B3GALT5: variants seen among roughly 807,000 people sequenced by gnomAD.
B3GALT5 encodes the protein beta-1,3-galactosyltransferase 5.
For synonymous variants in B3GALT5, 156 were observed against 158.6 expected, an observed-to-expected ratio of 0.98 and a Z score of 0.12; for missense variants, 328 against 396.6, an observed-to-expected ratio of 0.83 and a Z score of 1.47.
intron 1 of B3GALT5, among the ~76,000 whole-genome samples, chr21:39,625,225 G>A (rs950638088): frequency 6.6e-6 from 1 of 152,204 alleles, no homozygotes. Context: ...AGAGGGAGGA[G>A]TTTTTCCAGG....
At chr21:39,639,742 C>T (rs856987) in intron 1 of B3GALT5, among the ~76,000 whole-genome samples, 39,106 of 151,540 alleles carry the variant, frequency 0.26, 5,201 homozygotes, top group South Asian at 0.41. Context: ...CCTCCCAAAG[C>T]GCTGGGATTA....
At chr21:39,626,866 A>G (rs974272906) in intron 1 of B3GALT5, among the ~76,000 whole-genome samples, 1 of 152,182 alleles carries the variant, frequency 6.6e-6, no homozygotes, top group African/African-American at 2.4e-5. Flanking sequence ...ACTTCTGGGA[A>G]GATACTGGCT....
intron 1 of B3GALT5, among the ~76,000 whole-genome samples, chr21:39,626,565 G>A (rs1444807679): frequency 6.6e-6 from 1 of 151,966 alleles, no homozygotes; most frequent in Non-Finnish European, 1.5e-5. Context: ...AGGGGTTCCA[G>A]ATTTTCCAGA....
At chr21:39,616,626 A>G (rs2079108586) in intron 1 of B3GALT5, among the ~76,000 whole-genome samples, 1 of 152,132 alleles carries the variant, frequency 6.6e-6, no homozygotes, top group Admixed American at 6.5e-5. Context: ...GAACCTTTAG[A>G]TAACAATTTT....
chr21:39,640,975 G>A (rs2079285431), intron 1 of B3GALT5, among the ~76,000 whole-genome samples: 1 of 152,072 alleles, frequency 6.6e-6, no homozygotes, highest in African/African-American at 2.4e-5. Flanking sequence ...GAACTCCTGG[G>A]CTCAAGCGAT....
rs1484731442 is a variant in B3GALT5 at position 39,639,346 on chromosome 21, C to CTTTT, written c.-391-7043_-391-7042insTTTT. 3.9e-3 allele frequency among the ~76,000 whole-genome samples: 445 copies of CTTTT among 114,308 alleles called. 2 individuals are homozygous for CTTTT. The highest frequency in any genetic ancestry group is 5.5e-3 in the Non-Finnish European group (299 of 53,932). The allele number at this position is 114,308 out of a possible 152,430, so 75.0% of individuals were successfully genotyped here. ...TCTTTCTTTCTTTCTTTCTTTCTTT[C>CTTTT]TTTCCTTCCTTCCTTCCTTCCTTCC... On this transcript the variant is annotated intron_variant, in intron 1 of 3. Coordinates refer to ENST00000684187, the MANE Select transcript of B3GALT5 (RefSeq NM_001356336.2).
intron 1 of B3GALT5, among the ~76,000 whole-genome samples, chr21:39,616,927 C>T (rs1240031767): frequency 6.6e-6 from 1 of 152,100 alleles, no homozygotes; most frequent in Non-Finnish European, 1.5e-5. Context: ...TTTTATTTTT[C>T]AAATTTTGAA....
chr21:39,626,786 G>A (rs1336077112), intron 1 of B3GALT5, among the ~76,000 whole-genome samples: 3 of 150,850 alleles, frequency 2.0e-5, no homozygotes, highest in Non-Finnish European at 4.5e-5. Flanking sequence ...TTAAACTGGC[G>A]TTTTTGTTTT....
At chr21:39,627,621 C>T (rs1260885069) in intron 1 of B3GALT5, among the ~76,000 whole-genome samples, 2 of 151,972 alleles carry the variant, frequency 1.3e-5, no homozygotes, top group Non-Finnish European at 2.9e-5. Context: ...TGCTCCTGGA[C>T]ATTTTCCCAT....
chr21:39,654,142 G>A (rs1256116455), intron 2 of B3GALT5, among the ~76,000 whole-genome samples: 2 of 152,220 alleles, frequency 1.3e-5, no homozygotes, highest in Non-Finnish European at 2.9e-5. Context: ...AAACTGCCAA[G>A]GTATATACAG....
Position 39,659,732 on chromosome 21 carries a change from CTCTT to C in B3GALT5, c.-160-19_-160-16del, listed in dbSNP as rs533694817. On this transcript the variant is annotated splice_polypyrimidine_tract_variant and intron_variant, in intron 2 of 3. Coordinates refer to ENST00000684187, the MANE Select transcript of B3GALT5 (RefSeq NM_001356336.2). Reference sequence around the variant, plus strand: ...TAAGGCACGAGTGATTTGAATGACACTCTTTTTTTTTTTTTCCTAGTGATTCCTG... The same window carrying C: ...TAAGGCACGAGTGATTTGAATGACACTTTTTTTTTTTCCTAGTGATTCCTG... The C allele has an allele frequency of 2.8e-3, 2,701 of 979,890 alleles. 5 individuals are homozygous for C. The highest frequency in any genetic ancestry group is 3.2e-3 in the Middle Eastern group (6 of 1,902). The allele number at this position is 979,890 out of a possible 1,614,324, so 60.7% of individuals were successfully genotyped here.
intron 1 of B3GALT5, among the ~76,000 whole-genome samples, chr21:39,628,218 G>A (rs1015486374): frequency 1.3e-5 from 2 of 152,166 alleles, no homozygotes; most frequent in Non-Finnish European, 2.9e-5. Flanking sequence ...AACCAAATGG[G>A]TGAAAATATG....
chr21:39,626,612 T>C (rs2079165203), intron 1 of B3GALT5, among the ~76,000 whole-genome samples: 2 of 152,166 alleles, frequency 1.3e-5, no homozygotes, highest in South Asian at 2.1e-4. Flanking sequence ...TGTTTTTTTT[T>C]CTTTTTTTCA....
chr21:39,661,012 T>C lies in B3GALT5; in HGVS notation c.453T>C (p.Phe151=). The C allele has an allele frequency of 6.2e-7, 1 of 1,613,578 alleles. No homozygotes were observed. Among genetic ancestry groups the C allele is most frequent in the Non-Finnish European group, 8.5e-7 (1 of 1,179,550 alleles). The change falls in exon 4 of 4, where the codon TTT becomes TTC. Residue 151 remains phenylalanine (F), a synonymous_variant. Coordinates refer to ENST00000684187, the MANE Select transcript of B3GALT5 (RefSeq NM_001356336.2). This position sits in a 1 kb window ranked among gnomAD's most constrained non-coding sequence, Gnocchi z 4.7. ...ATCGCTTTTGTCCTCAGGCGGCGTT[T>C]GTGATGAAAACAGACTCAGACATGT... ...WVHRFCPQAA[F]VMKTDSDMFI... is the part of the protein sequence containing the mutation.
intron 2 of B3GALT5, among the ~76,000 whole-genome samples, chr21:39,648,077 T>A (rs2146206328): frequency 6.6e-6 from 1 of 152,326 alleles, no homozygotes; most frequent in South Asian, 2.1e-4. Flanking sequence ...GCTTATTGTG[T>A]AATCAAATCT....
chr21:39,656,971 A>AG (rs2079451533), intron 2 of B3GALT5, among the ~76,000 whole-genome samples: 1 of 152,222 alleles, frequency 6.6e-6, no homozygotes, highest in Admixed American at 6.5e-5. Flanking sequence ...TATGGCCAGA[A>AG]GGGGGGCAGT....
chr21:39,640,150 C>G (rs1179659061), intron 1 of B3GALT5, among the ~76,000 whole-genome samples: 2 of 152,090 alleles, frequency 1.3e-5, no homozygotes, highest in Non-Finnish European at 2.9e-5. Flanking sequence ...AAATAACTCG[C>G]CTGAGCTCTC....
intron 1 of B3GALT5, chr21:39,630,157 A>G (rs1314729028): frequency 6.6e-6 from 1 of 152,250 alleles, no homozygotes; most frequent in Non-Finnish European, 1.5e-5. Context: ...ATGGAACAGG[A>G]GACCTCTCCA....
intron 1 of B3GALT5, among the ~76,000 whole-genome samples, chr21:39,637,745 A>G (rs532308075): frequency 3.3e-5 from 5 of 152,286 alleles, no homozygotes; most frequent in African/African-American, 1.2e-4. Context: ...TGCTAGAGAG[A>G]CAATGGTTTT....
Sources: allele counts gnomAD v4.1 joint callset (sites outside exome capture counted in the v4.1 genomes callset), GRCh38; gene constraint gnomAD v4.1.1; non-coding constraint Gnocchi (gnomAD v3.1); transcripts MANE v1.5; gene names NCBI Gene and HGNC (gene_info 2026-07-23, HGNC 2026-07-21).